GRIK2: variants seen among roughly 807,000 people sequenced by gnomAD.
GRIK2 encodes glutamate ionotropic receptor kainate type subunit 2.
In GRIK2, 32 loss-of-function variants were observed where a neutral mutation model predicts 100.3. The ratio of observed to expected loss-of-function variants is 0.32; its 90% CI spans 0.24 to 0.43. The LOEUF (loss-of-function observed/expected upper bound fraction) is 0.43, where lower values mean the gene tolerates loss of function less well. Ranked by LOEUF, GRIK2 falls within the 20% of genes least tolerant of loss-of-function variation. GRIK2 has a pLI of 1.00. For synonymous variants in GRIK2, 417 were observed against 389.4 expected (o/e 1.07, Z -0.83); for missense variants, 843 against 1,114.9 (o/e 0.76, Z 3.47).
At chr6:101,523,977 C>T (rs1775019563) in intron 2 of GRIK2, among the ~76,000 whole-genome samples, 1 of 152,164 alleles carries the variant, frequency 6.6e-6, no homozygotes, top group African/African-American at 2.4e-5. Flanking sequence ...CCGCCTTGGC[C>T]TCCCACAGTG....
intron 4 of GRIK2, among the ~76,000 whole-genome samples, chr6:101,645,015 C>G (rs1354297822): frequency 6.6e-6 from 1 of 151,646 alleles, no homozygotes; most frequent in Non-Finnish European, 1.5e-5. Flanking sequence ...GCCACCCTAC[C>G]AATCCATGCT....
chr6:101,794,323 A>G (rs1056578295), intron 7 of GRIK2, among the ~76,000 whole-genome samples: 8 of 152,010 alleles, frequency 5.3e-5, no homozygotes, highest in Admixed American at 1.3e-4. Context: ...GGAGCTGTAG[A>G]CCGGAGCTGT....
At chr6:102,046,506 C>G (rs1770896096) in intron 15 of GRIK2, among the ~76,000 whole-genome samples, 1 of 152,058 alleles carries the variant, frequency 6.6e-6, no homozygotes, top group Non-Finnish European at 1.5e-5. Flanking sequence ...ACAACCTGCA[C>G]CCACTGCCAC....
rs1772175416 is a variant in GRIK2, at chr6:102,069,715, C to T, written c.*1204C>T. 6.6e-6 allele frequency: 1 copy of T among 151,800 alleles called. No individual in the cohort carries two copies. Among genetic ancestry groups the T allele is most frequent in the Admixed American group, 6.6e-5 (1 of 15,188 alleles). 9.4% of individuals were successfully genotyped at this position (151,800 alleles called of 1,614,324 possible). Reference sequence around the variant, plus strand: ...TTTTTGTATGGAAATTTTTGTAATACTTTTTATCAACAAAACAAGAACATG... The same window carrying T: ...TTTTTGTATGGAAATTTTTGTAATATTTTTTATCAACAAAACAAGAACATG... On this transcript the variant is annotated 3_prime_UTR_variant, in exon 17 of 17. Coordinates refer to ENST00000369134, the MANE Select transcript of GRIK2 (RefSeq NM_021956.5).
intron 15 of GRIK2, among the ~76,000 whole-genome samples, chr6:102,036,027 A>G (rs1254162066): frequency 1.3e-5 from 2 of 151,410 alleles, no homozygotes; most frequent in East Asian, 1.9e-4. Flanking sequence ...AGGTAGAAAT[A>G]GAAGACTATT....
chr6:101,743,119 A>G (rs986627897), intron 7 of GRIK2, among the ~76,000 whole-genome samples: 1 of 152,188 alleles, frequency 6.6e-6, no homozygotes, highest in African/African-American at 2.4e-5. Context: ...TAGTCCCTGG[A>G]CAACAAAAGG....
rs202199948 is a variant in GRIK2 at position 101,921,522 on chromosome 6, CT to C, written c.1749-3078del. ...ATGAGGACAGATACTGAAGCAAGAT[CT>C]GGAAACAGGGAAGATAGAATTCAGT... is the stretch of plus-strand genomic sequence containing the variant. On this transcript the variant is annotated intron_variant, in intron 12 of 16. Coordinates refer to ENST00000369134, the MANE Select transcript of GRIK2 (RefSeq NM_021956.5). Among the ~76,000 whole-genome samples, 459 of 152,042 alleles carry C rather than the reference CT, an allele frequency of 3.0e-3. 9 individuals are homozygous for C. Among genetic ancestry groups the C allele is most frequent in the Admixed American group, 0.027 (412 of 15,244 alleles).
At chr6:101,483,874 T>C (rs1040417834) in intron 2 of GRIK2, among the ~76,000 whole-genome samples, 1 of 152,210 alleles carries the variant, frequency 6.6e-6, no homozygotes, top group African/African-American at 2.4e-5. Flanking sequence ...CCGGACCCTG[T>C]GTTAGTTTTT....
At chr6:101,609,709 T>C (rs139898905) in intron 2 of GRIK2, among the ~76,000 whole-genome samples, 4 of 151,954 alleles carry the variant, frequency 2.6e-5, no homozygotes, top group Admixed American at 6.6e-5. Flanking sequence ...TCACACTACA[T>C]GTGAGGCACC....
At chr6:101,401,373 C>T (rs1775295467) in intron 2 of GRIK2, among the ~76,000 whole-genome samples, 1 of 152,062 alleles carries the variant, frequency 6.6e-6, no homozygotes, top group Non-Finnish European at 1.5e-5. Flanking sequence ...AGAGCTCTCT[C>T]TCTCACACAC....
At chr6:101,770,319 C>A (rs1045096030) in intron 7 of GRIK2, among the ~76,000 whole-genome samples, 1 of 152,046 alleles carries the variant, frequency 6.6e-6, no homozygotes, top group Non-Finnish European at 1.5e-5. Context: ...CGTCACCACC[C>A]TGTCTTACCT....
At chr6:101,870,265 G>T (rs1160446037) in intron 11 of GRIK2, among the ~76,000 whole-genome samples, 2 of 151,822 alleles carry the variant, frequency 1.3e-5, no homozygotes, top group Non-Finnish European at 2.9e-5. Flanking sequence ...AATATAAGCT[G>T]TGGGAGGGCA....
intron 10 of GRIK2, among the ~76,000 whole-genome samples, chr6:101,856,441 C>G (rs1351803368): frequency 6.6e-6 from 1 of 152,036 alleles, no homozygotes; most frequent in Non-Finnish European, 1.5e-5. Context: ...CTAAGACTTG[C>G]AAGAAGTGTG....
chr6:101,547,073 C>T (rs1036116142), intron 2 of GRIK2, among the ~76,000 whole-genome samples: 8 of 151,544 alleles, frequency 5.3e-5, no homozygotes, highest in African/African-American at 9.7e-5. Context: ...CCTCGTGATC[C>T]GCCCGCCTCG....
intron 11 of GRIK2, among the ~76,000 whole-genome samples, chr6:101,864,143 C>CA (rs138911944): frequency 0.23 from 19,947 of 85,430 alleles, 1,992 homozygotes; most frequent in Non-Finnish European, 0.29. Flanking sequence ...GACTCCGTCT[C>CA]AAAAAAAAAA....
At chr6:101,742,579 G>T (rs9498677) in intron 7 of GRIK2, among the ~76,000 whole-genome samples, 1 of 152,026 alleles carries the variant, frequency 6.6e-6, no homozygotes, top group South Asian at 2.1e-4. Context: ...TTTAAGAAAT[G>T]CATTGGTTTG....
At chr6:101,483,286 G>A (rs1374174116) in intron 2 of GRIK2, among the ~76,000 whole-genome samples, 1 of 152,100 alleles carries the variant, frequency 6.6e-6, no homozygotes, top group Non-Finnish European at 1.5e-5. Flanking sequence ...GAAGTGCAAG[G>A]CAAGGGACAA....
In GRIK2 at chr6:101,588,687, A is replaced by G. The variant is rs1229471523; in HGVS notation, c.116-33262A>G. On this transcript the variant is annotated intron_variant, in intron 2 of 16. Coordinates refer to ENST00000369134, the MANE Select transcript of GRIK2 (RefSeq NM_021956.5). ...GCACACGCACACACACACACACAGA[A>G]AAGAAAGAAAGAAGAAAAGAAAAAA... Among the ~76,000 whole-genome samples, 3 of 77,968 alleles carry G rather than the reference A, an allele frequency of 3.8e-5. No individual in the cohort carries two copies. In the East Asian group the frequency reaches 9.4e-4, roughly 25 times the overall value. 51.2% of individuals were successfully genotyped at this position (77,968 alleles called of 152,430 possible).
At chr6:101,438,284 T>TTTG in intron 2 of GRIK2, among the ~76,000 whole-genome samples, 1 of 152,180 alleles carries the variant, frequency 6.6e-6, no homozygotes, top group African/African-American at 2.4e-5. Context: ...AAGACATTTA[T>TTTG]TTGTTGTTGT....
Sources: allele counts gnomAD v4.1 joint callset (sites outside exome capture counted in the v4.1 genomes callset), GRCh38; gene constraint gnomAD v4.1.1; transcripts MANE v1.5; gene names NCBI Gene and HGNC (gene_info 2026-07-23, HGNC 2026-07-21).